The following MRTFA variants were observed in gnomAD, a reference collection of about 807,000 sequenced individuals.
The protein encoded by MRTFA is myocardin related transcription factor A.
Under a neutral mutation model 83.5 loss-of-function variants are expected in MRTFA, and 20 were observed. The observed-to-expected ratio is 0.24, with a 90% CI of 0.17 to 0.35. The LOEUF (loss-of-function observed/expected upper bound fraction) is 0.35, where lower values mean the gene tolerates loss of function less well. Ranked by LOEUF, MRTFA falls within the 10% of genes least tolerant of loss-of-function variation. The pLI is 1.00. For missense variants in MRTFA, 1,200 were observed against 1,224.7 expected (o/e 0.98, Z 0.30); for synonymous variants, 659 against 541.2 (o/e 1.22, Z -3.02).
At chr22:40,515,133 T>C (rs1602366384) in intron 3 of MRTFA, among the ~76,000 whole-genome samples, 1 of 151,754 alleles carries the variant, frequency 6.6e-6, no homozygotes, top group Admixed American at 6.6e-5. Context: ...GGTCTCCAAC[T>C]CCTGACCTTG....
intron 1 of MRTFA, among the ~76,000 whole-genome samples, chr22:40,618,250 A>ATTTTTT (rs1011885827): frequency 6.7e-5 from 7 of 104,128 alleles, no homozygotes; most frequent in African/African-American, 2.6e-4. Flanking sequence ...AATTTTTTGT[A>ATTTTTT]TTTTTTTTTT....
intron 1 of MRTFA, among the ~76,000 whole-genome samples, chr22:40,604,689 G>A (rs955515406): frequency 6.6e-6 from 1 of 152,036 alleles, no homozygotes; most frequent in South Asian, 2.1e-4. Context: ...GGAGGTTGCA[G>A]TGAGCCAAGA....
chr22:40,500,581 G>A (rs1338143424), intron 3 of MRTFA, among the ~76,000 whole-genome samples: 4 of 151,884 alleles, frequency 2.6e-5, no homozygotes, highest in Non-Finnish European at 5.9e-5. Context: ...TGCGATTAGG[G>A]ATTGGTGGTG....
chr22:40,435,365 A>G (rs1039419086), intron 5 of MRTFA, 134 bp downstream of exon 5: 27 of 909,858 alleles, frequency 3.0e-5, no homozygotes, highest in Non-Finnish European at 4.9e-5. Context: ...CCACAAGGCC[A>G]GGGCTGGCCC....
chr22:40,587,565 C>A, intron 2 of MRTFA: 1 of 308,750 alleles, frequency 3.2e-6, no homozygotes, highest in Non-Finnish European at 6.4e-6. Flanking sequence ...CAGGAACTTC[C>A]TTAATATGAT....
chr22:40,561,296 T>C (rs1479310167), intron 2 of MRTFA, among the ~76,000 whole-genome samples: 1 of 151,788 alleles, frequency 6.6e-6, no homozygotes, highest in Non-Finnish European at 1.5e-5. Flanking sequence ...GCTTACTATA[T>C]ATGTACTAGG....
Position 40,590,592 on chromosome 22 carries a change from AGGAGGC to A in MRTFA, c.-22+4076_-22+4081del, listed in dbSNP as rs532540877. ...TGAGGCACGAGAATTGCTTGAACCC[AGGAGGC>A]GGAGGCGGAGGCTGCAGTGAGCCAA... On this transcript the variant is annotated intron_variant, in intron 2 of 14. Transcript: ENST00000355630. Among the ~76,000 whole-genome samples, 731 of 150,134 alleles carry A rather than the reference AGGAGGC, an allele frequency of 4.9e-3. 4 individuals are homozygous for A. Among genetic ancestry groups the A allele is most frequent in the African/African-American group, 0.017 (707 of 40,860 alleles).
intron 2 of MRTFA, among the ~76,000 whole-genome samples, chr22:40,556,218 T>C (rs2055521514): frequency 6.6e-6 from 1 of 152,212 alleles, no homozygotes; most frequent in Non-Finnish European, 1.5e-5. Flanking sequence ...TGGGCATTCC[T>C]TGCAAACTTT....
At chr22:40,568,283 T>G (rs973267202) in intron 2 of MRTFA, among the ~76,000 whole-genome samples, 3 of 152,234 alleles carry the variant, frequency 2.0e-5, no homozygotes, top group African/African-American at 7.2e-5. Flanking sequence ...ATTAAACTAA[T>G]CTACTCTGGT....
At chr22:40,443,691 C>T (rs535834908) in intron 4 of MRTFA, among the ~76,000 whole-genome samples, 2 of 152,324 alleles carry the variant, frequency 1.3e-5, no homozygotes, top group South Asian at 4.1e-4. Flanking sequence ...TCCCACCTCC[C>T]CCTAAAGGCC....
intron 3 of MRTFA, among the ~76,000 whole-genome samples, chr22:40,550,392 G>A (rs191593551): frequency 5.3e-5 from 8 of 152,094 alleles, no homozygotes; most frequent in Admixed American, 1.3e-4. Context: ...TAATTATTAG[G>A]CAATAACTAA....
At chr22:40,514,906 C>T (rs149841187) in intron 3 of MRTFA, among the ~76,000 whole-genome samples, 2 of 148,546 alleles carry the variant, frequency 1.3e-5, no homozygotes, top group African/African-American at 5.0e-5. Context: ...TCCAATATTT[C>T]TTCCTTTTTT....
rs569969998 is a variant in MRTFA, at chr22:40,572,006, G to GA, written c.-21-19640dup. On this transcript the variant is annotated intron_variant, in intron 2 of 14. Transcript: ENST00000355630. ...ACATCACTAGTCATTAGGAAATAATGAAAAAAAAAACAAAACACAGTGACA... is the reference window on the plus strand; with the variant it reads ...ACATCACTAGTCATTAGGAAATAATGAAAAAAAAAAACAAAACACAGTGACA... Among the ~76,000 whole-genome samples, 1,037 of 133,478 alleles carry GA rather than the reference G, an allele frequency of 7.8e-3. 24 individuals are homozygous for GA. The highest frequency in any genetic ancestry group is 0.047 in the Admixed American group (624 of 13,388). The allele number at this position is 133,478 out of a possible 152,430, so 87.6% of individuals were successfully genotyped here. A position where few individuals can be genotyped will look rare whatever the true frequency, so the allele number is the denominator to read the frequency against.
At position 40,418,521 on chromosome 22, in the gene MRTFA, C is replaced by G; in HGVS notation, c.2217G>C (p.Gln739His). 6.3e-7 allele frequency: 1 copy of G among 1,592,190 alleles called. No individual in the cohort carries two copies. Among genetic ancestry groups the G allele is most frequent in the Non-Finnish European group, 8.5e-7 (1 of 1,173,190 alleles). The change falls in exon 12 of 15, where the codon CAG (glutamine) becomes CAC (histidine). Residue 739 changes from glutamine to histidine, a missense_variant. Transcript: ENST00000355630. ...TGGGGCCCTGAGGCCCCAGAAGCAA[C>G]TGGGGGGCGGGGACCGGCTCGGGCT...
intron 3 of MRTFA, among the ~76,000 whole-genome samples, chr22:40,497,177 G>T (rs1344983792): frequency 6.6e-6 from 1 of 152,194 alleles, no homozygotes; most frequent in African/African-American, 2.4e-5. Context: ...AAGAAGAGGG[G>T]ACCTTGCTGG....
intron 1 of MRTFA, 134 bp from the exon 2 acceptor site, chr22:40,594,869 A>T (rs1378638522): frequency 6.6e-6 from 1 of 150,558 alleles, no homozygotes; most frequent in East Asian, 2.0e-4. Flanking sequence ...CAACAGTGTT[A>T]AGAGTTCTGT....
At chr22:40,624,566 A>G (rs566673955) in intron 1 of MRTFA, among the ~76,000 whole-genome samples, 13 of 152,294 alleles carry the variant, frequency 8.5e-5, no homozygotes, top group Admixed American at 3.3e-4. Flanking sequence ...GGGAAACCAA[A>G]TAAGTACCCA....
intron 8 of MRTFA, 57 bp downstream of exon 8, chr22:40,424,149 A>G: frequency 1.3e-6 from 2 of 1,494,112 alleles, no homozygotes; most frequent in Non-Finnish European, 8.9e-7. Flanking sequence ...GAGAGACCTT[A>G]CTCTGCGCAG....
At chr22:40,430,884 G>A (rs1029098974) in intron 6 of MRTFA, among the ~76,000 whole-genome samples, 5 of 147,700 alleles carry the variant, frequency 3.4e-5, no homozygotes, top group African/African-American at 7.5e-5. Flanking sequence ...AAAAAAAAGC[G>A]GGGGAAGAAA....
Sources: gnomAD v4.1 joint callset for allele counts (sites outside exome capture counted in the v4.1 genomes callset) on GRCh38, gnomAD v4.1.1 for gene constraint, MANE v1.5 for transcripts, NCBI Gene and HGNC (gene_info 2026-07-23, HGNC 2026-07-21) for gene names.